Variants in CPSF2 observed in about 807,000 individuals in gnomAD.
The protein encoded by CPSF2 is cleavage and polyadenylation specificity factor subunit 2.
A neutral mutation model predicts 84.2 loss-of-function variants in CPSF2; 51 were observed. The ratio of observed to expected loss-of-function variants is 0.61; its 90% CI spans 0.48 to 0.77. The LOEUF (loss-of-function observed/expected upper bound fraction) is 0.77. CPSF2 is among the 30% of genes least tolerant of loss of function. The pLI is 0.00. For missense variants in CPSF2, 641 were observed against 929.4 expected, an observed-to-expected ratio of 0.69 and a Z score of 4.03; for synonymous variants, 286 against 311.9, an observed-to-expected ratio of 0.92 and a Z score of 0.87.
At chr14:92,135,209 A>C (rs1427632148) in intron 5 of CPSF2, among the ~76,000 whole-genome samples, 158 bp from the exon 6 acceptor site, 2 of 152,354 alleles carry the variant, frequency 1.3e-5, no homozygotes, top group South Asian at 2.1e-4. Flanking sequence ...GGTGGGGGAC[A>C]GGAGAGTGAA....
At chr14:92,150,368 T>G (rs995634345) in intron 9 of CPSF2, among the ~76,000 whole-genome samples, 1 of 151,920 alleles carries the variant, frequency 6.6e-6, no homozygotes, top group African/African-American at 2.4e-5. Context: ...GCGATCCACC[T>G]GCCTCGGCCT....
intron 7 of CPSF2, among the ~76,000 whole-genome samples, chr14:92,140,501 C>T (rs1193622823): frequency 2.0e-5 from 3 of 147,510 alleles, no homozygotes; most frequent in Non-Finnish European, 4.4e-5. Context: ...GGCGCGATCT[C>T]GGCTCATTGC....
intron 2 of CPSF2, among the ~76,000 whole-genome samples, chr14:92,129,198 A>G (rs1014768028): frequency 6.6e-6 from 1 of 152,174 alleles, no homozygotes; most frequent in Admixed American, 6.5e-5. Flanking sequence ...CGTAAGAGGA[A>G]GAGTATGATG....
rs2069437377 is a variant in CPSF2 at position 92,165,831 on chromosome 14, G to A, written c.*4087G>A. The A allele has an allele frequency of 9.3e-6, 1 of 107,848 alleles. No homozygotes were observed. Among genetic ancestry groups the A allele is most frequent in the South Asian group, 3.6e-4 (1 of 2,760 alleles). The allele number at this position is 107,848 out of a possible 1,614,324, so 6.7% of individuals were successfully genotyped here. On this transcript the variant is annotated 3_prime_UTR_variant, in exon 16 of 16. Coordinates refer to ENST00000298875, the MANE Select transcript of CPSF2 (RefSeq NM_017437.3). ...AGTCCAGTTTGTTTTTTTCCCTTCA[G>A]TTCTTTGTGCTTGGTTTTATATCTT...
chr14:92,128,533 G>A (rs890015237), intron 2 of CPSF2, among the ~76,000 whole-genome samples: 6 of 152,146 alleles, frequency 3.9e-5, no homozygotes, highest in African/African-American at 1.2e-4. Flanking sequence ...CCATCCCCCC[G>A]CCGGCCCTGC....
At chr14:92,132,771 T>C (rs1363296617) in intron 3 of CPSF2, among the ~76,000 whole-genome samples, 1 of 145,112 alleles carries the variant, frequency 6.9e-6, no homozygotes, top group South Asian at 2.2e-4. Context: ...AAACTCCGTC[T>C]CAAAAAAAAA....
intron 3 of CPSF2, among the ~76,000 whole-genome samples, chr14:92,132,732 A>AT (rs2068948569): frequency 6.6e-6 from 1 of 150,716 alleles, no homozygotes; most frequent in South Asian, 2.1e-4. Flanking sequence ...AGATCGCACC[A>AT]TTGCATTAGA....
At chr14:92,139,261 C>A (rs2069041840) in intron 7 of CPSF2, among the ~76,000 whole-genome samples, 1 of 151,688 alleles carries the variant, frequency 6.6e-6, no homozygotes, top group Non-Finnish European at 1.5e-5. Flanking sequence ...ACTAAATATA[C>A]AAAAAATTAG....
At chr14:92,138,413 T>C in intron 7 of CPSF2, 66 bp downstream of exon 7, 1 of 823,084 alleles carries the variant, frequency 1.2e-6, no homozygotes, top group East Asian at 3.2e-5. Context: ...TTAGGGAATA[T>C]AAGTACATAA....
chr14:92,129,121 CTCCTGCTTT>C (rs2068882565), intron 2 of CPSF2, among the ~76,000 whole-genome samples: 1 of 152,098 alleles, frequency 6.6e-6, no homozygotes, highest in South Asian at 2.1e-4. Flanking sequence ...GAACACATAC[CTCCTGCTTT>C]TCAAGTACAG....
intron 3 of CPSF2, among the ~76,000 whole-genome samples, chr14:92,132,727 G>A (rs964763887): frequency 2.7e-5 from 4 of 150,556 alleles, no homozygotes; most frequent in East Asian, 2.0e-4. Flanking sequence ...AGCCAAGATC[G>A]CACCATTGCA....
Position 92,130,890 on chromosome 14 carries a change from GTTTA to G in CPSF2, c.-34-58_-34-55del, listed in dbSNP as rs963726811. ...GATTTGAAATAATTTTAATCAATTT[GTTTA>G]TTATATATGCCAGACTGTGCTTTTA... is the stretch of plus-strand genomic sequence containing the variant. On this transcript the variant is annotated intron_variant, in intron 2 of 15. Coordinates refer to ENST00000298875, the MANE Select transcript of CPSF2 (RefSeq NM_017437.3). 11 of 1,014,032 alleles carry G rather than the reference GTTTA, an allele frequency of 1.1e-5. No individual in the cohort carries two copies. In the African/African-American group the frequency reaches 1.9e-4, roughly 17 times the overall value. The allele number at this position is 1,014,032 out of a possible 1,614,324, so 62.8% of individuals were successfully genotyped here. A position where few individuals can be genotyped will look rare whatever the true frequency, so the allele number is the denominator to read the frequency against.
rs964746153 is a variant in CPSF2, at chr14:92,162,388, C to T, written c.*644C>T. 1.3e-5 allele frequency: 2 copies of T among 152,484 alleles called. No homozygotes were observed. The highest frequency in any genetic ancestry group is 1.3e-4 in the Admixed American group (2 of 15,236). The allele number at this position is 152,484 out of a possible 1,614,324, so 9.4% of individuals were successfully genotyped here. ...TTGTTTTATCAAGATTTTGTTGTGG[C>T]ATTTCAATGTAAATTATAACACCAT... On this transcript the variant is annotated 3_prime_UTR_variant, in exon 16 of 16. Transcript: ENST00000298875.
At position 92,159,427 on chromosome 14, in the gene CPSF2, C is replaced by G. The variant is rs539025260; in HGVS notation, c.2121+145C>G. ...TTTAACCATTTAAAATATATGTCAG[C>G]TGGGGGCAGTGACTCACGCCTGTAA... is the stretch of plus-strand genomic sequence containing the variant. On this transcript the variant is annotated intron_variant, in intron 14 of 15. Coordinates refer to ENST00000298875, the MANE Select transcript of CPSF2 (RefSeq NM_017437.3). The G allele has an allele frequency of 2.3e-4, 148 of 653,316 alleles. No homozygotes were observed. In the African/African-American group the frequency reaches 2.5e-3, roughly 11 times the overall value. The allele number at this position is 653,316 out of a possible 1,614,324, so 40.5% of individuals were successfully genotyped here.
At chr14:92,155,351 C>T in intron 11 of CPSF2, 28 bp downstream of exon 11, 2 of 1,548,266 alleles carry the variant, frequency 1.3e-6, no homozygotes, top group Non-Finnish European at 1.8e-6. Flanking sequence ...ACTTTTCTCT[C>T]TTACAAATTG....
chr14:92,128,532 C>T (rs1028930013), intron 2 of CPSF2, among the ~76,000 whole-genome samples: 6 of 152,200 alleles, frequency 3.9e-5, no homozygotes, highest in Non-Finnish European at 5.9e-5. Context: ...CCCATCCCCC[C>T]GCCGGCCCTG....
chr14:92,154,857 A>G (rs1038694357), intron 10 of CPSF2, among the ~76,000 whole-genome samples: 1 of 152,224 alleles, frequency 6.6e-6, no homozygotes, highest in Non-Finnish European at 1.5e-5. Context: ...CCTGTACAGC[A>G]TGTTACTGTA....
chr14:92,145,359 C>G (rs1374077258), intron 9 of CPSF2, among the ~76,000 whole-genome samples: 1 of 152,158 alleles, frequency 6.6e-6, no homozygotes, highest in Non-Finnish European at 1.5e-5. Context: ...ACCCCCTAAC[C>G]CACTCCACCT....
chr14:92,148,797 G>GTATA (rs138353183), intron 9 of CPSF2, among the ~76,000 whole-genome samples: 11 of 147,238 alleles, frequency 7.5e-5, no homozygotes, highest in East Asian at 2.0e-4. Context: ...AGAAAGAAAT[G>GTATA]TATATATATA....
Sources: gnomAD v4.1 joint callset for allele counts (sites outside exome capture counted in the v4.1 genomes callset) on GRCh38, gnomAD v4.1.1 for gene constraint, MANE v1.5 for transcripts, NCBI Gene and HGNC (gene_info 2026-07-23, HGNC 2026-07-21) for gene names.